The following DPP6 variants were observed in gnomAD, a reference collection of about 807,000 sequenced individuals.
The protein encoded by DPP6 is dipeptidyl peptidase like 6.
DPP6 carries 69 observed loss-of-function variants against 122.6 expected under a neutral mutation model. The observed-to-expected ratio is 0.56, with a 90% CI of 0.46 to 0.69. The LOEUF is 0.69. Among genes scored for constraint, DPP6 ranks in the 30% least tolerant of loss-of-function variants. The pLI is 0.00. For missense variants in DPP6, 928 were observed against 1,116.9 expected, an observed-to-expected ratio of 0.83 and a Z score of 2.41; for synonymous variants, 418 against 433.1, an observed-to-expected ratio of 0.97 and a Z score of 0.43.
chr7:154,039,329 T>G (rs192938028), intron 1 of DPP6, among the ~76,000 whole-genome samples: 4,852 of 146,664 alleles, frequency 0.033, 155 homozygotes, highest in Middle Eastern at 0.088. Flanking sequence ...TGGGTTTTCT[T>G]GGACGATGAA....
In DPP6 at chr7:154,381,417, T is replaced by C. The variant is rs1486856775; in HGVS notation, c.244-64797T>C. 1.1e-4 allele frequency among the ~76,000 whole-genome samples: 16 copies of C among 152,330 alleles called. No individual in the cohort carries two copies. In the East Asian group the frequency reaches 2.9e-3, roughly 28 times the overall value. On this transcript the variant is annotated intron_variant, in intron 1 of 25. Transcript: ENST00000377770. The stretch of plus-strand genomic sequence containing the variant: ...TGATCAACTCATATACACCTACACA[T>C]GTAATGCCTCTATATGGGTCTGTGT...
Position 154,803,881 on chromosome 7 carries a change from C to T in DPP6, c.1425C>T (p.Asp475=). 1 of 1,613,800 alleles carries T rather than the reference C, an allele frequency of 6.2e-7. No individual in the cohort carries two copies. Among genetic ancestry groups the T allele is most frequent in the Non-Finnish European group, 8.5e-7 (1 of 1,179,780 alleles). The part of the protein sequence containing the change: ...VSSSQPNSSN[D]NIQSITSGDW... ...TGTTTCAGCCCAACAGCAGCAACGA[C>T]AACATCCAGTCCATCACCTCCGGGG... is the stretch of plus-strand genomic sequence containing the variant. The change falls in exon 14 of 26, where the codon GAC becomes GAT. Residue 475 remains aspartate, a synonymous_variant. Coordinates refer to ENST00000377770, the MANE Select transcript of DPP6 (RefSeq NM_130797.4).
At chr7:154,091,665 T>A in intron 1 of DPP6, among the ~76,000 whole-genome samples, 1 of 151,856 alleles carries the variant, frequency 6.6e-6, no homozygotes, top group African/African-American at 2.4e-5. Context: ...AAGGATAAGG[T>A]CCCTAAGAAA....
intron 7 of DPP6, among the ~76,000 whole-genome samples, chr7:154,698,340 G>C (rs1840332897): frequency 1.3e-5 from 2 of 152,138 alleles, no homozygotes; most frequent in African/African-American, 2.4e-5. Context: ...AAGCACCTTT[G>C]GGTCTAAGAT....
chr7:154,794,459 C>T (rs774935351), intron 11 of DPP6, among the ~76,000 whole-genome samples: 12 of 152,226 alleles, frequency 7.9e-5, no homozygotes, highest in East Asian at 1.9e-4. Context: ...ACCTGGACGC[C>T]GTCCGCAGTT....
At chr7:153,796,719 C>T in the DPP6 span, among the ~76,000 whole-genome samples, 1 of 152,104 alleles carries the variant, frequency 6.6e-6, no homozygotes, top group Admixed American at 6.5e-5. Context: ...AGCAATGAAA[C>T]AATCAATCAT....
chr7:154,548,114 C>A (rs1012029418), intron 4 of DPP6, among the ~76,000 whole-genome samples: 16 of 152,140 alleles, frequency 1.1e-4, no homozygotes, highest in Middle Eastern at 3.4e-3. Flanking sequence ...GAGGCTGAGG[C>A]AGGAGAATTG....
chr7:153,967,009 G>A (rs1795778340), intron 1 of DPP6, among the ~76,000 whole-genome samples: 1 of 150,530 alleles, frequency 6.6e-6, no homozygotes, highest in African/African-American at 2.5e-5. Context: ...CAAGACTGCA[G>A]TGTGCCCTGA....
chr7:154,693,576 G>A lies in DPP6; in HGVS notation c.762+24135G>A, dbSNP rs567075792. Among the ~76,000 whole-genome samples the A allele has an allele frequency of 4.9e-4, 74 of 152,268 alleles. 1 individual carries two copies. The South Asian group carries it at 0.013, about 27-fold the overall frequency. On this transcript the variant is annotated intron_variant, in intron 7 of 25. Transcript: ENST00000377770. ...GAGCCAGCCTCCCAGGTGGGTGGGA[G>A]GCCCCTGGCTGGTGCCACTCACAGA...
At chr7:154,199,714 A>G (rs1347474178) in intron 1 of DPP6, among the ~76,000 whole-genome samples, 3 of 151,128 alleles carry the variant, frequency 2.0e-5, no homozygotes, top group African/African-American at 7.3e-5. Context: ...GGTTCAAGTG[A>G]TTCTCCTGCC....
intron 4 of DPP6, among the ~76,000 whole-genome samples, chr7:154,541,692 G>A (rs1323608526): frequency 6.6e-6 from 1 of 152,192 alleles, no homozygotes; most frequent in African/African-American, 2.4e-5. Context: ...ATTGAAACAG[G>A]CTGTGAATCC....
rs184760721 is a variant in DPP6, at chr7:154,499,292, C to T, written c.457+24255C>T. The stretch of plus-strand genomic sequence containing the variant: ...TGGATACAAAAGGAGGGCCCCCCTG[C>T]GGTACAAAGCATGGCCATTCTAGCA... On this transcript the variant is annotated intron_variant, in intron 3 of 25. Transcript: ENST00000377770. Among the ~76,000 whole-genome samples, 41 of 152,250 alleles carry T rather than the reference C, an allele frequency of 2.7e-4. 1 individual carries two copies. The East Asian group carries it at 4.6e-3, about 17-fold the overall frequency.
the DPP6 span, among the ~76,000 whole-genome samples, chr7:153,791,579 A>G: frequency 6.6e-6 from 1 of 151,482 alleles, no homozygotes; most frequent in East Asian, 1.9e-4. Flanking sequence ...CCACCACCAC[A>G]TCCAGCTAAT....
At chr7:154,195,694 A>AACCCAAATTC (rs1348491986) in intron 1 of DPP6, among the ~76,000 whole-genome samples, 2 of 152,232 alleles carry the variant, frequency 1.3e-5, no homozygotes, top group Non-Finnish European at 1.5e-5. Context: ...TGCCTCTACT[A>AACCCAAATTC]ACCCAAATTC....
chr7:154,875,968 T>A lies in DPP6; in HGVS notation c.1946T>A (p.Met649Lys). The part of the protein sequence containing the change: ...EKFEVSWETV[M>K]VSSHGAVVVK... ...TTCGAGGTGAGCTGGGAGACGGTGATGGTGAGCAGCCACGGCGCGGTGGTG... is the reference window on the plus strand; with the variant it reads ...TTCGAGGTGAGCTGGGAGACGGTGAAGGTGAGCAGCCACGGCGCGGTGGTG... The change falls in exon 20 of 26, where the codon ATG (methionine) becomes AAG (lysine). Residue 649 changes from methionine (M) to lysine (K), a missense_variant. Coordinates refer to ENST00000377770, the MANE Select transcript of DPP6 (RefSeq NM_130797.4). The surrounding 1 kb of genome is among the most constrained non-coding windows in gnomAD (Gnocchi z 4.5). The A allele has an allele frequency of 6.2e-7, 1 of 1,613,552 alleles. No homozygotes were observed. Among genetic ancestry groups the A allele is most frequent in the East Asian group, 2.2e-5 (1 of 44,848 alleles).
chr7:154,501,763 G>A (rs763132122), intron 3 of DPP6, among the ~76,000 whole-genome samples: 7 of 152,122 alleles, frequency 4.6e-5, no homozygotes, highest in East Asian at 1.9e-4. Flanking sequence ...TTGGAGCCCC[G>A]ACACAGAATC....
intron 1 of DPP6, among the ~76,000 whole-genome samples, chr7:154,056,456 T>G (rs1164025765): frequency 6.6e-6 from 1 of 152,180 alleles, no homozygotes; most frequent in Non-Finnish European, 1.5e-5. Context: ...ATACTGAACT[T>G]TGTCATCCGC....
chr7:154,602,039 T>G (rs1833427787), intron 5 of DPP6, among the ~76,000 whole-genome samples: 1 of 121,550 alleles, frequency 8.2e-6, no homozygotes, highest in African/African-American at 2.6e-5. Flanking sequence ...TTCTTTATGC[T>G]TCTCTCTTCT....
At chr7:154,633,441 G>A (rs987933907) in intron 5 of DPP6, among the ~76,000 whole-genome samples, 7 of 152,070 alleles carry the variant, frequency 4.6e-5, no homozygotes, top group African/African-American at 1.2e-4. Context: ...TCACCATGTT[G>A]ACTAGGCTGG....
Sources: allele counts gnomAD v4.1 joint callset (sites outside exome capture counted in the v4.1 genomes callset), GRCh38; gene constraint gnomAD v4.1.1; non-coding constraint Gnocchi (gnomAD v3.1); transcripts MANE v1.5; gene names NCBI Gene and HGNC (gene_info 2026-07-23, HGNC 2026-07-21).